Variants in ANXA11 observed in about 807,000 individuals in gnomAD.
The protein encoded by ANXA11 is annexin A11, also known as 56 kDa autoantigen.
ANXA11 carries 57 observed loss-of-function variants against 64.7 expected under a neutral mutation model. The ratio of observed to expected loss-of-function variants is 0.88; its 90% confidence interval spans 0.71 to 1.10. The LOEUF (loss-of-function observed/expected upper bound fraction) is 1.10. Among genes scored for constraint, ANXA11 ranks in the 50% least tolerant of loss-of-function variants. ANXA11 has a pLI of 0.00. For synonymous variants in ANXA11, 260 were observed against 265.2 expected (o/e 0.98, Z 0.19); for missense variants, 675 against 670.7 (o/e 1.01, Z -0.07).
In ANXA11 at chr10:80,166,039, C is replaced by CACACAT; in HGVS notation, c.858+44_858+45insATGTGT. 6.4e-6 allele frequency: 7 copies of CACACAT among 1,096,722 alleles called. No individual in the cohort carries two copies. The South Asian group carries it at 9.9e-5, about 16-fold the overall frequency. The allele number at this position is 1,096,722 out of a possible 1,614,324, so 67.9% of individuals were successfully genotyped here. A position where few individuals can be genotyped will look rare whatever the true frequency, so the allele number is the denominator to read the frequency against. ...ACGCATGCGCGCGTGCGCACACACG[C>CACACAT]GCGCACACACACACACACACACACA... On this transcript the variant is annotated intron_variant, in intron 8 of 15. Coordinates refer to ENST00000422982, the MANE Select transcript of ANXA11 (RefSeq NM_145868.2).
chr10:80,162,688 T>C (rs1482595836), intron 11 of ANXA11, among the ~76,000 whole-genome samples: 2 of 152,070 alleles, frequency 1.3e-5, no homozygotes, highest in Admixed American at 6.6e-5. Context: ...CCGCAGATGG[T>C]AGAGATAATT....
At position 80,166,205 on chromosome 10, in the gene ANXA11, G is replaced by T; in HGVS notation, c.745-8C>A. The T allele has an allele frequency of 2.0e-6, 3 of 1,496,670 alleles. No homozygotes were observed. Among genetic ancestry groups the T allele is most frequent in the Non-Finnish European group, 2.8e-6 (3 of 1,085,764 alleles). 92.7% of individuals were successfully genotyped at this position (1,496,670 alleles called of 1,614,324 possible). On this transcript the variant is annotated splice_region_variant and splice_polypyrimidine_tract_variant and intron_variant, in intron 7 of 15. Coordinates refer to ENST00000422982, the MANE Select transcript of ANXA11 (RefSeq NM_145868.2). ...CAGATCTTTGATCAAATCCTGATTG[G>T]ATATTCAAACAAACAACCAACAAAA...
intron 5 of ANXA11, 32 bp from the exon 6 acceptor site, chr10:80,167,345 C>A: frequency 6.3e-7 from 1 of 1,595,746 alleles, no homozygotes; most frequent in South Asian, 1.1e-5. Flanking sequence ...GGTAAGATGT[C>A]GTGCATGCCG....
intron 3 of ANXA11, chr10:80,171,584 G>T (rs1384292286): frequency 3.1e-6 from 3 of 966,944 alleles, no homozygotes. Flanking sequence ...TGTATGCCTA[G>T]ACTGCTGTGA....
Position 80,161,975 on chromosome 10 carries a change from A to G in ANXA11, c.1140T>C (p.Asn380=), listed in dbSNP as rs766027057. 163 of 1,612,736 alleles carry G rather than the reference A, an allele frequency of 1.0e-4. No homozygotes were observed. The highest frequency in any genetic ancestry group is 3.0e-4 in the Admixed American group (18 of 60,008). Residue 380 remains asparagine, a synonymous_variant, in exon 12 of 16, where the codon AAT becomes AAC. Transcript: ENST00000422982. Reference sequence around the variant, plus strand: ...CCCGGCTCCGGGAGCACAGAACCGCATTGAACTTGGACTCGTCTGTTCCCA... The same window carrying G: ...CCCGGCTCCGGGAGCACAGAACCGCGTTGAACTTGGACTCGTCTGTTCCCA... ...NRLGTDESKF[N]AVLCSRSRAH...
At chr10:80,194,524 CGG>C in intron 1 of ANXA11, among the ~76,000 whole-genome samples, 1 of 151,752 alleles carries the variant, frequency 6.6e-6, no homozygotes, top group South Asian at 2.1e-4. Context: ...TAGGAAGAGT[CGG>C]GGGGGGAAGA....
Position 80,169,115 on chromosome 10 carries a change from G to A in ANXA11, c.415C>T (p.Gln139Ter). ...TGCCCAGGGTAGGCCCCTGGGGGCTGCTGTCCGGGGGGTGGCATGGGCTGG... is the reference window on the plus strand; with the variant it reads ...TGCCCAGGGTAGGCCCCTGGGGGCTACTGTCCGGGGGGTGGCATGGGCTGG... The part of the protein sequence containing the change: ...PGQPMPPPGQ[Q>*]PPGAYPGQPP... The change falls in exon 5 of 16, where the codon CAG (glutamine) becomes TAG (stop). Residue 139 changes from glutamine to a stop codon, truncating the protein, a stop_gained. Transcript: ENST00000422982. LOFTEE classifies it high-confidence loss of function. 1 of 1,539,220 alleles carries A rather than the reference G, an allele frequency of 6.5e-7. No homozygotes were observed. The highest frequency in any genetic ancestry group is 8.7e-7 in the Non-Finnish European group (1 of 1,148,650).
Position 80,166,066 on chromosome 10 carries a change from ACACACACACG to A in ANXA11, c.858+8_858+17del. 7.3e-7 allele frequency: 1 copy of A among 1,377,352 alleles called. No homozygotes were observed. The highest frequency in any genetic ancestry group is 1.0e-6 in the Non-Finnish European group (1 of 971,940). The allele number at this position is 1,377,352 out of a possible 1,614,324, so 85.3% of individuals were successfully genotyped here. A position where few individuals can be genotyped will look rare whatever the true frequency, so the allele number is the denominator to read the frequency against. ...CGCACACACACACACACACACACAC[ACACACACACG>A]TACACACCTTGATGGCTTCCTTTAT... is the stretch of plus-strand genomic sequence containing the variant. On this transcript the variant is annotated splice_region_variant and intron_variant, in intron 8 of 15. Coordinates refer to ENST00000422982, the MANE Select transcript of ANXA11 (RefSeq NM_145868.2).
intron 12 of ANXA11, among the ~76,000 whole-genome samples, chr10:80,160,407 T>C (rs1263208058): frequency 1.3e-5 from 2 of 152,216 alleles, no homozygotes; most frequent in Non-Finnish European, 1.5e-5. Flanking sequence ...TCTACCACCC[T>C]GTGCCTGCTT....
chr10:80,192,462 C>G (rs1846818286), intron 1 of ANXA11, among the ~76,000 whole-genome samples: 1 of 151,746 alleles, frequency 6.6e-6, no homozygotes, highest in Non-Finnish European at 1.5e-5. Context: ...CAATAATATC[C>G]TCAGAGATAG....
chr10:80,166,042 G>GTGCGCACACACGCA, intron 8 of ANXA11, 42 bp downstream of exon 8: 1 of 450,718 alleles, frequency 2.2e-6, no homozygotes, highest in Non-Finnish European at 3.8e-6. Context: ...ACACACGCGC[G>GTGCGCACACACGCA]CACACACACA....
At chr10:80,204,197 G>A (rs534409829) in intron 1 of ANXA11, among the ~76,000 whole-genome samples, 2 of 152,336 alleles carry the variant, frequency 1.3e-5, no homozygotes, top group East Asian at 3.9e-4. Context: ...CTGAAGTAGT[G>A]GGCACCCAAT....
chr10:80,155,710 AG>A lies in ANXA11; in HGVS notation c.*142del. On this transcript the variant is annotated 3_prime_UTR_variant, in exon 16 of 16. Coordinates refer to ENST00000422982, the MANE Select transcript of ANXA11 (RefSeq NM_145868.2). ...GGTCCTGTGGCACACTATACGGGTC[AG>A]GAGGGGTGGAAGACAGGCCTAAGCT... is the stretch of plus-strand genomic sequence containing the variant. 1 of 835,108 alleles carries A rather than the reference AG, an allele frequency of 1.2e-6. No homozygotes were observed. The highest frequency in any genetic ancestry group is 1.5e-5 in the South Asian group (1 of 66,324). 51.7% of individuals were successfully genotyped at this position (835,108 alleles called of 1,614,324 possible). A position where few individuals can be genotyped will look rare whatever the true frequency, so the allele number is the denominator to read the frequency against.
At position 80,162,026 on chromosome 10, in the gene ANXA11, C is replaced by G; in HGVS notation, c.1089G>C (p.Glu363Asp). The G allele has an allele frequency of 6.2e-7, 1 of 1,609,886 alleles. No homozygotes were observed. The highest frequency in any genetic ancestry group is 8.5e-7 in the Non-Finnish European group (1 of 1,179,114). ...DMSLAQRDAQ[E>D]LYAAGENRLG... ...GGCGGTTCTCCCCGGCCGCATACAGCTCCTGGAGAGAGAGGAAGACGCACA... is the reference window on the plus strand; with the variant it reads ...GGCGGTTCTCCCCGGCCGCATACAGGTCCTGGAGAGAGAGGAAGACGCACA... The change falls in exon 12 of 16, where the codon GAG becomes GAC. Residue 363 changes from glutamate (E) to aspartate (D), a missense_variant and splice_region_variant. Coordinates refer to ENST00000422982, the MANE Select transcript of ANXA11 (RefSeq NM_145868.2).
intron 3 of ANXA11, among the ~76,000 whole-genome samples, chr10:80,172,362 G>T (rs1222030180): frequency 6.6e-6 from 1 of 152,186 alleles, no homozygotes; most frequent in South Asian, 2.1e-4. Context: ...TGAGCAGAGG[G>T]TAGGAGAGGT....
In ANXA11 at chr10:80,188,480, CATATATAT is replaced by C. The variant is rs71034291; in HGVS notation, c.-57-12333_-57-12326del. Among the ~76,000 whole-genome samples the C allele has an allele frequency of 3.3e-4, 33 of 100,594 alleles. 1 individual carries two copies. The highest frequency in any genetic ancestry group is 1.5e-3 in the Admixed American group (17 of 11,092). The allele number at this position is 100,594 out of a possible 152,430, so 66.0% of individuals were successfully genotyped here. ...CAGCTGTGAGAATGTAGTATTCTCA[CATATATAT>C]ATATATATATATATATATATATAGC... On this transcript the variant is annotated intron_variant, in intron 1 of 15. Transcript: ENST00000422982.
chr10:80,157,741 G>A lies in ANXA11; in HGVS notation c.1358C>T (p.Thr453Ile). Residue 453 changes from threonine (T) to isoleucine (I), a missense_variant, in exon 15 of 16, where the codon ACC becomes ATC. Physicochemically the swap from Thr to Ile is moderately conservative, Grantham distance 89. Coordinates refer to ENST00000422982, the MANE Select transcript of ANXA11 (RefSeq NM_145868.2). ...AMRGAGTKDR[T>I]LIRIMVSRSE... is the part of the protein sequence containing the mutation. ...GCGAGACACCATGATGCGAATCAGG[G>A]TCCGGTCCTTTGTTCCTGCCCCCTA... 6.2e-7 allele frequency: 1 copy of A among 1,613,868 alleles called. No individual in the cohort carries two copies. The highest frequency in any genetic ancestry group is 8.5e-7 in the Non-Finnish European group (1 of 1,179,886).
rs200838601 is a variant in ANXA11 at position 80,187,565 on chromosome 10, ACACACT to A, written c.-57-11416_-57-11411del. Reference sequence around the variant, plus strand: ...CGCGTGCACACACACACACACACACACACACTCTCTCTCTCTCTCACACACTCCCAA... The same window carrying A: ...CGCGTGCACACACACACACACACACACTCTCTCTCTCTCACACACTCCCAA... On this transcript the variant is annotated intron_variant, in intron 1 of 15. Coordinates refer to ENST00000422982, the MANE Select transcript of ANXA11 (RefSeq NM_145868.2). Among the ~76,000 whole-genome samples the A allele has an allele frequency of 6.3e-3, 932 of 148,972 alleles. 4 individuals carry two copies. Among genetic ancestry groups the A allele is most frequent in the African/African-American group, 0.02 (809 of 40,494 alleles).
At chr10:80,200,073 CA>C (rs1840351762) in intron 1 of ANXA11, among the ~76,000 whole-genome samples, 1 of 152,174 alleles carries the variant, frequency 6.6e-6, no homozygotes, top group South Asian at 2.1e-4. Context: ...GCAGGAATTG[CA>C]AAGTGAGAGA....
Sources: allele counts gnomAD v4.1 joint callset (sites outside exome capture counted in the v4.1 genomes callset), GRCh38; gene constraint gnomAD v4.1.1; transcripts MANE v1.5; gene names NCBI Gene and HGNC (gene_info 2026-07-23, HGNC 2026-07-21).